Variants in TJP2 observed in about 807,000 individuals in gnomAD.
The protein encoded by TJP2 is Friedreich ataxia region gene X104 (tight junction protein ZO-2).
A neutral mutation model predicts 133.1 loss-of-function variants in TJP2; 91 were observed. The ratio of observed to expected loss-of-function variants is 0.68; its 90% CI spans 0.58 to 0.81. The LOEUF (loss-of-function observed/expected upper bound fraction) is 0.81, where lower values mean the gene tolerates loss of function less well. Among genes scored for constraint, TJP2 ranks in the 40% least tolerant of loss-of-function variants. The pLI, the probability that TJP2 is intolerant of heterozygous loss-of-function variation, is 0.00. For synonymous variants in TJP2, 592 were observed against 583.4 expected, an observed-to-expected ratio of 1.01 and a Z score of -0.21; for missense variants, 1,541 against 1,565.6, an observed-to-expected ratio of 0.98 and a Z score of 0.26.
Position 69,174,406 on chromosome 9 carries a change from C to T in TJP2, c.34C>T (p.Arg12Trp), listed in dbSNP as rs930653227. ...PVRGDRGFPP[R>W]RELSGWLRAP... is the part of the protein sequence containing the mutation. Reference sequence around the variant, plus strand: ...GCGAGGAGACCGCGGGTTTCCACCCCGGCGGGAGCTGTCAGGTTGGCTCCG... The same window carrying T: ...GCGAGGAGACCGCGGGTTTCCACCCTGGCGGGAGCTGTCAGGTTGGCTCCG... Residue 12 changes from arginine to tryptophan, a missense_variant, in exon 1 of 23, where the codon CGG becomes TGG. By Grantham distance (101) the Arg-to-Trp change is moderately radical. Transcript: ENST00000377245. 9.0e-6 allele frequency: 14 copies of T among 1,551,758 alleles called. No homozygotes were observed. Among genetic ancestry groups the T allele is most frequent in the Middle Eastern group, 1.7e-4 (1 of 5,840 alleles).
chr9:69,163,638 C>CAA (rs34941016), intron 2 of TJP2, among the ~76,000 whole-genome samples: 5 of 135,610 alleles, frequency 3.7e-5, no homozygotes, highest in South Asian at 2.4e-4. Flanking sequence ...ACCCTGTCTC[C>CAA]AAAAAAAAAA....
chr9:69,139,197 A>G (rs1822907984), intron 1 of TJP2, among the ~76,000 whole-genome samples: 1 of 152,212 alleles, frequency 6.6e-6, no homozygotes, highest in Admixed American at 6.5e-5. Context: ...AGCCTGGGTG[A>G]TAGAGTGAGA....
At chr9:69,201,382 C>G (rs940472274) in intron 1 of TJP2, among the ~76,000 whole-genome samples, 3 of 150,248 alleles carry the variant, frequency 2.0e-5, no homozygotes, top group African/African-American at 7.4e-5. Flanking sequence ...TTTTCTTTGT[C>G]AGGTCTTTGC....
chr9:69,214,866 C>CAAAAAAAAAAAAAAAAA (rs10672826), intron 2 of TJP2, among the ~76,000 whole-genome samples: 1 of 135,814 alleles, frequency 7.4e-6, no homozygotes, highest in Non-Finnish European at 1.5e-5. Context: ...GACTCCATCT[C>CAAAAAAAAAAAAAAAAA]AAAAAAAAAA....
chr9:69,132,389 T>A (rs1822533868), intron 1 of TJP2, among the ~76,000 whole-genome samples: 1 of 152,086 alleles, frequency 6.6e-6, no homozygotes, highest in African/African-American at 2.4e-5. Context: ...ACCTTTTGGA[T>A]GGGGATGAGA....
At chr9:69,241,148 A>AT (rs1280186604) in intron 17 of TJP2, among the ~76,000 whole-genome samples, 1 of 152,246 alleles carries the variant, frequency 6.6e-6, no homozygotes, top group African/African-American at 2.4e-5. Context: ...AATAGAATAT[A>AT]TTTTTAAGTC....
chr9:69,225,623 A>T (rs907023593), intron 6 of TJP2, among the ~76,000 whole-genome samples: 23 of 152,110 alleles, frequency 1.5e-4, no homozygotes, highest in African/African-American at 5.6e-4. Context: ...AAACAAAAAA[A>T]CTCCATGAAT....
At chr9:69,234,117 T>C (rs1335803344) in intron 11 of TJP2, among the ~76,000 whole-genome samples, 1 of 152,208 alleles carries the variant, frequency 6.6e-6, no homozygotes, top group Non-Finnish European at 1.5e-5. Context: ...AGAAGGGAGA[T>C]GGATAGAAAC....
chr9:69,172,694 C>T (rs1587962581), upstream of TJP2, among the ~76,000 whole-genome samples: 1 of 152,122 alleles, frequency 6.6e-6, no homozygotes, highest in Admixed American at 6.6e-5. Context: ...TCAGCACCAC[C>T]TAATTTGGGA....
chr9:69,134,642 G>T (rs1395584586), intron 1 of TJP2, among the ~76,000 whole-genome samples: 1 of 152,154 alleles, frequency 6.6e-6, no homozygotes, highest in Non-Finnish European at 1.5e-5. Flanking sequence ...CTGGGTTCGA[G>T]GAACCCAGGG....
At chr9:69,234,336 G>A in intron 11 of TJP2, 103 bp from the exon 12 acceptor site, 1 of 943,862 alleles carries the variant, frequency 1.1e-6, no homozygotes, top group Non-Finnish European at 1.6e-6. Flanking sequence ...ACAAACAAAA[G>A]GGTCAGTGGC....
chr9:69,248,121 A>C lies in TJP2; in HGVS notation c.2777A>C (p.Asp926Ala), dbSNP rs1478313797. The C allele has an allele frequency of 6.2e-7, 1 of 1,614,182 alleles. No homozygotes were observed. Among genetic ancestry groups the C allele is most frequent in the Non-Finnish European group, 8.5e-7 (1 of 1,180,022 alleles). Residue 926 changes from aspartate (D) to alanine (A), a missense_variant, in exon 19 of 23, where the codon GAC becomes GCC. By Grantham distance (126) the Asp-to-Ala change is moderately radical. Coordinates refer to ENST00000377245, the MANE Select transcript of TJP2 (RefSeq NM_004817.4). ...SRLISDFEDT[D>A]GEGGAYTDNE... Reference sequence around the variant, plus strand: ...CTCATCAGTGACTTTGAAGACACGGACGGTGAAGGAGGCGCCTACACTGAC... The same window carrying C: ...CTCATCAGTGACTTTGAAGACACGGCCGGTGAAGGAGGCGCCTACACTGAC...
At chr9:69,199,535 T>TACAC (rs113343932) in intron 1 of TJP2, among the ~76,000 whole-genome samples, 21 of 151,322 alleles carry the variant, frequency 1.4e-4, no homozygotes, top group East Asian at 3.9e-4. Context: ...GTCTCAGACA[T>TACAC]ACACACACAC....
intron 2 of TJP2, among the ~76,000 whole-genome samples, chr9:69,154,611 C>G (rs942003317): frequency 6.7e-6 from 1 of 150,122 alleles, no homozygotes; most frequent in African/African-American, 2.5e-5. Flanking sequence ...CGACATAGAC[C>G]GACCCTGTCT....
chr9:69,245,082 G>A (rs1830830280), intron 17 of TJP2, among the ~76,000 whole-genome samples: 1 of 152,142 alleles, frequency 6.6e-6, no homozygotes, highest in South Asian at 2.1e-4. Flanking sequence ...TTTTAGCTAT[G>A]AGATGAGCAC....
intron 1 of TJP2, among the ~76,000 whole-genome samples, chr9:69,198,621 CT>C (rs1363654193): frequency 1.3e-5 from 2 of 152,288 alleles, no homozygotes; most frequent in East Asian, 1.9e-4. Flanking sequence ...AAGCTTATTG[CT>C]TTTTGCTGTT....
At chr9:69,254,141 A>G in intron 22 of TJP2, 68 bp from the exon 23 acceptor site, 5 of 1,584,256 alleles carry the variant, frequency 3.2e-6, no homozygotes, top group Non-Finnish European at 4.3e-6. Flanking sequence ...GCTCAGAGCC[A>G]TGCCTCCCCG....
In TJP2 at chr9:69,226,045, C is replaced by T. The variant is rs1829319498; in HGVS notation, c.1080C>T (p.Asn360=). 1.2e-6 allele frequency: 2 copies of T among 1,614,024 alleles called. No homozygotes were observed. Among genetic ancestry groups the T allele is most frequent in the Admixed American group, 3.3e-5 (2 of 60,006 alleles). The change falls in exon 7 of 23, where the codon AAC becomes AAT. Residue 360 remains asparagine (N), a synonymous_variant. Transcript: ENST00000377245. ...AGATCAATGGGACTGTAACTGAGAA[C>T]ATGTCTTTAACGGATGCTCGAAAAT... ...ILKINGTVTE[N]MSLTDARKLI...
intron 18 of TJP2, among the ~76,000 whole-genome samples, chr9:69,247,593 A>G (rs1296068700): frequency 6.6e-6 from 1 of 152,180 alleles, no homozygotes; most frequent in Non-Finnish European, 1.5e-5. Flanking sequence ...AACAGGACAT[A>G]GCTTCTGCCT....
Sources: gnomAD v4.1 joint callset for allele counts (sites outside exome capture counted in the v4.1 genomes callset) on GRCh38, gnomAD v4.1.1 for gene constraint, MANE v1.5 for transcripts, NCBI Gene and HGNC (gene_info 2026-07-23, HGNC 2026-07-21) for gene names.